TMEM108: variants seen among roughly 807,000 people sequenced by gnomAD.
TMEM108 encodes transmembrane protein 108, also known as cancer/testis antigen 124.
In TMEM108, 12 loss-of-function variants were observed where a neutral mutation model predicts 35.1. The observed-to-expected ratio is 0.34, with a 90% CI of 0.22 to 0.55. The LOEUF (loss-of-function observed/expected upper bound fraction) is 0.55, where lower values mean the gene tolerates loss of function less well. Ranked by LOEUF, TMEM108 falls within the 20% of genes least tolerant of loss-of-function variation. The pLI is 0.89. For missense variants in TMEM108, 680 were observed against 753.3 expected, an observed-to-expected ratio of 0.90 and a Z score of 1.14; for synonymous variants, 287 against 308.6, an observed-to-expected ratio of 0.93 and a Z score of 0.73.
intron 2 of TMEM108, among the ~76,000 whole-genome samples, chr3:133,081,538 T>C (rs1042833924): frequency 6.6e-6 from 1 of 152,216 alleles, no homozygotes; most frequent in African/African-American, 2.4e-5. Context: ...GATTGTGCCA[T>C]TCCTTCAATC....
At chr3:133,248,432 T>C (rs1194857919) in intron 3 of TMEM108, 1 of 152,226 alleles carries the variant, frequency 6.6e-6, no homozygotes, top group East Asian at 1.9e-4. Context: ...ACCGCCTTTG[T>C]ATTTGGAAAA....
chr3:133,392,323 C>T lies in TMEM108; in HGVS notation c.1605+1989C>T, dbSNP rs555943162. 3.3e-4 allele frequency among the ~76,000 whole-genome samples: 50 copies of T among 152,136 alleles called. 1 individual carries two copies. The highest frequency in any genetic ancestry group is 5.9e-4 in the Non-Finnish European group (40 of 68,010). ...GACTACAAGCACACGCGACCACGCC[C>T]GGCTAATTTTTGTGTTTTTAGTAGA... On this transcript the variant is annotated intron_variant, in intron 5 of 5. Coordinates refer to ENST00000321871, the MANE Select transcript of TMEM108 (RefSeq NM_023943.4).
chr3:133,194,148 G>T (rs1263619948), intron 2 of TMEM108, among the ~76,000 whole-genome samples: 6 of 152,100 alleles, frequency 3.9e-5, no homozygotes, highest in Admixed American at 3.9e-4. Flanking sequence ...TATTGGTCAG[G>T]CTAGTCTTGA....
chr3:133,182,621 T>C (rs934470623), intron 2 of TMEM108, among the ~76,000 whole-genome samples: 1 of 152,222 alleles, frequency 6.6e-6, no homozygotes, highest in South Asian at 2.1e-4. Context: ...TATTTGCCCA[T>C]TGTGTGCTGG....
chr3:133,300,180 G>T (rs1386910931), intron 3 of TMEM108, among the ~76,000 whole-genome samples: 5 of 152,160 alleles, frequency 3.3e-5, no homozygotes, highest in South Asian at 2.1e-4. Flanking sequence ...TGGCTGGTAT[G>T]GGGGGGTGGG....
At chr3:133,311,912 T>A (rs2071133445) in intron 3 of TMEM108, among the ~76,000 whole-genome samples, 1 of 152,230 alleles carries the variant, frequency 6.6e-6, no homozygotes, top group Non-Finnish European at 1.5e-5. Context: ...ATGTCCTTTT[T>A]GTTGATGTTG....
At position 133,067,761 on chromosome 3, in the gene TMEM108, T is replaced by C. The variant is rs2107686816; in HGVS notation, c.-47+21741T>C. On this transcript the variant is annotated intron_variant, in intron 2 of 5. Transcript: ENST00000321871. ...ATGCTATGAAGGGAACATCAGGTGC[T>C]GAGATGAATAACATGGAAATGAACT... Among the ~76,000 whole-genome samples the C allele has an allele frequency of 2.0e-5, 3 of 152,342 alleles. No individual in the cohort carries two copies. In the South Asian group the frequency reaches 6.2e-4, roughly 32 times the overall value.
At chr3:133,277,166 A>G (rs1215855170) in intron 3 of TMEM108, among the ~76,000 whole-genome samples, 4 of 152,218 alleles carry the variant, frequency 2.6e-5, no homozygotes, top group African/African-American at 7.2e-5. Context: ...TATTGAGACA[A>G]TTGGTAAAAT....
intron 2 of TMEM108, among the ~76,000 whole-genome samples, chr3:133,157,488 G>GT (rs1421281825): frequency 2.0e-5 from 3 of 152,108 alleles, no homozygotes; most frequent in Admixed American, 2.0e-4. Flanking sequence ...TTAAACCTGA[G>GT]TCTTATAAGT....
chr3:133,332,690 AT>A (rs1176819376), intron 3 of TMEM108, among the ~76,000 whole-genome samples: 2 of 152,240 alleles, frequency 1.3e-5, no homozygotes, highest in Non-Finnish European at 2.9e-5. Context: ...ATAGAGGGTT[AT>A]ACCTTGTAGC....
At chr3:133,233,090 G>T (rs1276189482) in intron 3 of TMEM108, among the ~76,000 whole-genome samples, 2 of 149,624 alleles carry the variant, frequency 1.3e-5, no homozygotes, top group Non-Finnish European at 3.0e-5. Flanking sequence ...TGCACAATGT[G>T]CAGGTTAGTT....
chr3:133,310,016 A>G (rs1265755661), intron 3 of TMEM108, among the ~76,000 whole-genome samples: 7 of 151,948 alleles, frequency 4.6e-5, no homozygotes, highest in Non-Finnish European at 4.4e-5. Flanking sequence ...GAGTTTCTTA[A>G]TCCTGTGTTC....
chr3:133,177,088 T>C (rs1395436447), intron 2 of TMEM108, among the ~76,000 whole-genome samples: 6 of 151,960 alleles, frequency 3.9e-5, no homozygotes, highest in African/African-American at 9.7e-5. Flanking sequence ...AATTCCTCGA[T>C]ACATACACCC....
intron 2 of TMEM108, among the ~76,000 whole-genome samples, chr3:133,179,597 A>G (rs1488351963): frequency 1.3e-5 from 2 of 150,564 alleles, no homozygotes; most frequent in Non-Finnish European, 3.0e-5. Context: ...ATAGGTGGGA[A>G]TTGAACAATG....
rs1559942182 is a variant in TMEM108, at chr3:133,380,904, C to T, written c.1193C>T (p.Ser398Phe). The change falls in exon 4 of 6, where the codon TCT becomes TTT. Residue 398 changes from serine (S) to phenylalanine (F), a missense_variant. By Grantham distance (155) the Ser-to-Phe change is radical (BLOSUM62 -2). Coordinates refer to ENST00000321871, the MANE Select transcript of TMEM108 (RefSeq NM_023943.4). The surrounding 1 kb of genome is among the most constrained non-coding windows in gnomAD (Gnocchi z 5.3). ...HPSRVSESTI[S>F]GAKEETVATL... ...TCCAGGGTCTCAGAAAGCACTATTT[C>T]TGGAGCCAAGGAGGAGACTGTGGCC... The T allele has an allele frequency of 6.2e-7, 1 of 1,614,212 alleles. No individual in the cohort carries two copies. Among genetic ancestry groups the T allele is most frequent in the Non-Finnish European group, 8.5e-7 (1 of 1,180,034 alleles).
intron 2 of TMEM108, among the ~76,000 whole-genome samples, chr3:133,080,944 G>A (rs937197149): frequency 1.3e-4 from 20 of 152,068 alleles, no homozygotes; most frequent in African/African-American, 4.6e-4. Context: ...TTCTCCTCTG[G>A]GTGGCAGAGT....
At chr3:133,086,535 A>G (rs1436834708) in intron 2 of TMEM108, among the ~76,000 whole-genome samples, 2 of 152,210 alleles carry the variant, frequency 1.3e-5, no homozygotes, top group Non-Finnish European at 2.9e-5. Flanking sequence ...AAAACCTCCT[A>G]AAATAATTGT....
At chr3:133,261,765 A>C (rs1270964255) in intron 3 of TMEM108, among the ~76,000 whole-genome samples, 2 of 152,214 alleles carry the variant, frequency 1.3e-5, no homozygotes, top group Non-Finnish European at 2.9e-5. Flanking sequence ...ATGTCCTCAC[A>C]CAAAATGATC....
At chr3:133,113,277 G>A (rs1944247868) in intron 2 of TMEM108, among the ~76,000 whole-genome samples, 1 of 152,170 alleles carries the variant, frequency 6.6e-6, no homozygotes, top group South Asian at 2.1e-4. Flanking sequence ...CAGTCACCTA[G>A]TATTTCTCAT....
Sources: allele counts gnomAD v4.1 joint callset (sites outside exome capture counted in the v4.1 genomes callset), GRCh38; gene constraint gnomAD v4.1.1; non-coding constraint Gnocchi (gnomAD v3.1); transcripts MANE v1.5; gene names NCBI Gene and HGNC (gene_info 2026-07-23, HGNC 2026-07-21).